Variants in SLC7A7 observed in about 807,000 individuals in gnomAD.
The protein encoded by SLC7A7 is Y+L amino acid transporter 1.
A neutral mutation model predicts 47.9 loss-of-function variants in SLC7A7; 39 were observed. That is an observed-to-expected ratio of 0.81 (90% confidence interval 0.63 to 1.06). The LOEUF (loss-of-function observed/expected upper bound fraction) is 1.06, where lower values mean the gene tolerates loss of function less well. SLC7A7 is among the 50% of genes least tolerant of loss of function. SLC7A7 has a pLI of 0.00. For synonymous variants in SLC7A7, 234 were observed against 242.8 expected, an observed-to-expected ratio of 0.96 and a Z score of 0.34; for missense variants, 588 against 632.0, an observed-to-expected ratio of 0.93 and a Z score of 0.75.
At chr14:22,782,567 T>C (rs1461553874) in intron 2 of SLC7A7, among the ~76,000 whole-genome samples, 1 of 151,888 alleles carries the variant, frequency 6.6e-6, no homozygotes, top group Admixed American at 6.6e-5. Flanking sequence ...GTTCAAGCAA[T>C]TCTCCTGCCT....
chr14:22,813,290 TCTC>T lies in SLC7A7; in HGVS notation c.106_108del (p.Glu36del), dbSNP rs386833796. Reference sequence around the variant, plus strand: ...AGGCACACGCCGTTAAGCAGTGAGATCTCCTTCTTCAGCTTCACCTGCTCCGGC... The same window carrying T: ...AGGCACACGCCGTTAAGCAGTGAGATCTTCTTCAGCTTCACCTGCTCCGGC... On this transcript the variant is annotated inframe_deletion, in exon 2 of 10. Transcript: ENST00000674313. 4 of 1,614,100 alleles carry T rather than the reference TCTC, an allele frequency of 2.5e-6. No individual in the cohort carries two copies. Among genetic ancestry groups the T allele is most frequent in the Non-Finnish European group, 3.4e-6 (4 of 1,180,000 alleles).
intron 1 of SLC7A7, 118 bp from the exon 2 acceptor site, chr14:22,813,558 T>C: frequency 2.6e-6 from 2 of 773,188 alleles, no homozygotes; most frequent in Non-Finnish European, 4.4e-6. Flanking sequence ...GACCTCCAAA[T>C]AACCTTTTCT....
chr14:22,791,944 C>A (rs1267843324), intron 2 of SLC7A7, among the ~76,000 whole-genome samples: 4 of 151,860 alleles, frequency 2.6e-5, no homozygotes, highest in African/African-American at 4.8e-5. Context: ...ACGCCATTCT[C>A]CTGCCTCAGC....
chr14:22,775,714 G>A, intron 6 of SLC7A7, 119 bp downstream of exon 6: 1 of 944,734 alleles, frequency 1.1e-6, no homozygotes, highest in African/African-American at 1.6e-5. Context: ...CTAGAAACAA[G>A]AAGAAAGAGG....
chr14:22,795,063 G>A (rs990147074), intron 2 of SLC7A7, among the ~76,000 whole-genome samples: 39 of 137,482 alleles, frequency 2.8e-4, no homozygotes, highest in African/African-American at 9.6e-4. Flanking sequence ...GATGAGTATT[G>A]TTTTCTTTCT....
At chr14:22,786,630 G>T (rs2038822442) in intron 2 of SLC7A7, among the ~76,000 whole-genome samples, 1 of 151,980 alleles carries the variant, frequency 6.6e-6, no homozygotes. Flanking sequence ...CCTCTTTCTG[G>T]ACCTATAAAA....
At chr14:22,780,319 C>A in intron 2 of SLC7A7, 1 of 433,434 alleles carries the variant, frequency 2.3e-6, no homozygotes, top group South Asian at 2.2e-5. Context: ...AAAAATACAT[C>A]CAAATGTCCA....
upstream of SLC7A7, chr14:22,815,491 C>T (rs758963355): frequency 2.0e-4 from 93 of 454,308 alleles, no homozygotes; most frequent in Non-Finnish European, 4.0e-4. Context: ...GGTGAGGCAG[C>T]CCGCAAAGGA....
At chr14:22,812,794 T>TATATATATATATA (rs1372388510) in intron 2 of SLC7A7, 106 bp downstream of exon 2, 61 of 834,220 alleles carry the variant, frequency 7.3e-5, no homozygotes, top group African/African-American at 2.0e-4. Context: ...TATATATATG[T>TATATATATATATA]TGTCAGAGAC....
chr14:22,784,695 C>T (rs1326012878), intron 2 of SLC7A7, among the ~76,000 whole-genome samples: 3 of 151,958 alleles, frequency 2.0e-5, no homozygotes, highest in Non-Finnish European at 2.9e-5. Context: ...AGCCTACATA[C>T]GGTCCCCGGG....
chr14:22,798,956 C>T (rs1594969637), intron 2 of SLC7A7, among the ~76,000 whole-genome samples: 1 of 152,146 alleles, frequency 6.6e-6, no homozygotes, highest in Admixed American at 6.6e-5. Flanking sequence ...CTCCCACCCA[C>T]GAGAGCTGTG....
intron 1 of SLC7A7, among the ~76,000 whole-genome samples, chr14:22,813,807 T>TTTTTTA (rs1594987022): frequency 1.4e-5 from 2 of 145,502 alleles, no homozygotes; most frequent in Admixed American, 6.9e-5. Context: ...TTTTTTTTTT[T>TTTTTTA]GAGATGGAGT....
At chr14:22,780,253 C>G in intron 2 of SLC7A7, 1 of 568,330 alleles carries the variant, frequency 1.8e-6, no homozygotes, top group Non-Finnish European at 3.1e-6. Flanking sequence ...TACTCCCCAC[C>G]CCCAGCACCT....
chr14:22,775,383 C>G, intron 7 of SLC7A7, 61 bp downstream of exon 7: 1 of 1,280,920 alleles, frequency 7.8e-7, no homozygotes. Flanking sequence ...ACAGTCGCTT[C>G]TGCTGTTACT....
intron 7 of SLC7A7, 21 bp from the exon 8 acceptor site, chr14:22,774,524 C>G (rs760698058): frequency 2.5e-6 from 4 of 1,614,084 alleles, no homozygotes; most frequent in Non-Finnish European, 3.4e-6. Flanking sequence ...GAGCCTAAGT[C>G]AGCTCTTCTC....
chr14:22,818,616 T>A (rs533564996), upstream of SLC7A7, among the ~76,000 whole-genome samples: 1,252 of 151,024 alleles, frequency 8.3e-3, 4 homozygotes, highest in South Asian at 0.029. Context: ...GGGTTTTTTT[T>A]ACCCGAGATG....
chr14:22,791,427 C>G (rs1255306494), intron 2 of SLC7A7, among the ~76,000 whole-genome samples: 1 of 152,184 alleles, frequency 6.6e-6, no homozygotes, highest in African/African-American at 2.4e-5. Context: ...CTTCACGTCA[C>G]CAGTGAGACA....
intron 6 of SLC7A7, 24 bp downstream of exon 6, chr14:22,775,809 C>G (rs759190824): frequency 6.5e-7 from 1 of 1,528,416 alleles, no homozygotes; most frequent in Non-Finnish European, 9.1e-7. Flanking sequence ...ATGATACACC[C>G]CTCACAAAAG....
intron 2 of SLC7A7, among the ~76,000 whole-genome samples, chr14:22,786,149 T>C (rs532633564): frequency 2.0e-5 from 3 of 151,364 alleles, no homozygotes; most frequent in South Asian, 4.2e-4. Flanking sequence ...TGAAAACCTG[T>C]CTCTACTAAA....
Sources: allele counts gnomAD v4.1 joint callset (sites outside exome capture counted in the v4.1 genomes callset), GRCh38; gene constraint gnomAD v4.1.1; transcripts MANE v1.5; gene names NCBI Gene and HGNC (gene_info 2026-07-23, HGNC 2026-07-21).